Variants in KLRG1 observed in about 807,000 individuals in gnomAD.
The protein encoded by KLRG1 is killer cell lectin like receptor G1.
Under a neutral mutation model 21.8 loss-of-function variants are expected in KLRG1, and 16 were observed. The observed-to-expected ratio is 0.73, with a 90% confidence interval of 0.50 to 1.11. The LOEUF is 1.11. Among genes scored for constraint, KLRG1 ranks in the 50% most tolerant of loss-of-function variants. KLRG1 has a pLI of 0.00. For synonymous variants in KLRG1, 69 were observed against 75.9 expected (o/e 0.91, Z 0.47); for missense variants, 173 against 218.3 (o/e 0.79, Z 1.31).
At chr12:9,068,786 T>C in the KLRG1 span, 2 of 1,609,516 alleles carry the variant, frequency 1.2e-6, no homozygotes, top group East Asian at 4.5e-5. Context: ...GTTTCAGATC[T>C]CTTACTGGGA....
Position 9,009,661 on chromosome 12 carries a change from G to A in KLRG1, c.*124G>A. On this transcript the variant is annotated 3_prime_UTR_variant, in exon 5 of 5. Coordinates refer to ENST00000356986, the MANE Select transcript of KLRG1 (RefSeq NM_005810.4). Reference sequence around the variant, plus strand: ...CAAATACTGAACTTTCTCAGATATGGCATTAGATGCAAGACAACCTCCTAG... The same window carrying A: ...CAAATACTGAACTTTCTCAGATATGACATTAGATGCAAGACAACCTCCTAG... The A allele has an allele frequency of 6.9e-7, 1 of 1,448,660 alleles. No individual in the cohort carries two copies. The highest frequency in any genetic ancestry group is 9.1e-7 in the Non-Finnish European group (1 of 1,104,886). The allele number at this position is 1,448,660 out of a possible 1,614,324, so 89.7% of individuals were successfully genotyped here.
the KLRG1 span, chr12:9,072,530 G>C: frequency 6.2e-7 from 1 of 1,602,644 alleles, no homozygotes; most frequent in South Asian, 1.1e-5. Flanking sequence ...CCCTTTCCCA[G>C]AATTCCTGTC....
chr12:9,165,929 C>A, the KLRG1 span: 1 of 1,237,222 alleles, frequency 8.1e-7, no homozygotes, highest in Non-Finnish European at 1.1e-6. Context: ...TAGGTCTATC[C>A]TAAAGAGGAA....
chr12:9,154,814 A>T, the KLRG1 span: 1 of 1,614,138 alleles, frequency 6.2e-7, no homozygotes, highest in Non-Finnish European at 8.5e-7. Flanking sequence ...TGGGTCTCTG[A>T]GGGCGCTCCC....
At chr12:9,095,991 C>T in the KLRG1 span, among the ~76,000 whole-genome samples, 1 of 151,242 alleles carries the variant, frequency 6.6e-6, no homozygotes, top group East Asian at 1.9e-4. Context: ...GATCTCCTGA[C>T]CTCATGATCC....
chr12:9,090,264 C>A, the KLRG1 span: 1 of 1,581,972 alleles, frequency 6.3e-7, no homozygotes, highest in South Asian at 1.1e-5. Flanking sequence ...ATCTAGTGGT[C>A]TTTTCCTGAA....
the KLRG1 span, among the ~76,000 whole-genome samples, chr12:9,198,352 A>T: frequency 6.6e-6 from 1 of 152,112 alleles, no homozygotes; most frequent in Non-Finnish European, 1.5e-5. Flanking sequence ...TCTACTAAAA[A>T]AATGTTTCTT....
the KLRG1 span, chr12:9,066,424 C>T: frequency 6.6e-6 from 1 of 152,582 alleles, no homozygotes; most frequent in Non-Finnish European, 1.5e-5. Flanking sequence ...TCATGGAGAG[C>T]CTGTGCTGGC....
the KLRG1 span, among the ~76,000 whole-genome samples, chr12:9,129,933 A>C: frequency 6.6e-6 from 1 of 152,186 alleles, no homozygotes; most frequent in Non-Finnish European, 1.5e-5. Context: ...TATCTTGCAA[A>C]TCTGAAACTC....
At chr12:9,204,156 T>G in the KLRG1 span, among the ~76,000 whole-genome samples, 81 of 152,212 alleles carry the variant, frequency 5.3e-4, no homozygotes, top group Non-Finnish European at 8.7e-4. Context: ...CCACACAATC[T>G]GGAGCCATAC....
the KLRG1 span, chr12:9,110,054 T>C: frequency 1.3e-6 from 2 of 1,589,560 alleles, no homozygotes; most frequent in Middle Eastern, 1.7e-4. Flanking sequence ...GTAAATTAAT[T>C]ATAACTTACA....
chr12:9,065,151 T>TCCCCCCCCCCCCCCCC, the KLRG1 span: 84 of 52,662 alleles, frequency 1.6e-3, no homozygotes, highest in East Asian at 4.0e-3. Flanking sequence ...ATTCCCTTCC[T>TCCCCCCCCCCCCCCCC]CCCCCCCCCC....
At chr12:9,195,445 T>C in the KLRG1 span, among the ~76,000 whole-genome samples, 1 of 150,672 alleles carries the variant, frequency 6.6e-6, no homozygotes, top group East Asian at 2.0e-4. Context: ...TTCCTTCCCC[T>C]TTCCTTCTTT....
intron 3 of KLRG1, among the ~76,000 whole-genome samples, chr12:9,008,049 C>T (rs1194769424): frequency 1.3e-5 from 2 of 152,104 alleles, no homozygotes; most frequent in Admixed American, 6.5e-5. Context: ...TGTTGGGTAA[C>T]GTGGCACACA....
At chr12:9,089,649 G>A in the KLRG1 span, among the ~76,000 whole-genome samples, 4 of 152,088 alleles carry the variant, frequency 2.6e-5, no homozygotes, top group Admixed American at 6.6e-5. Flanking sequence ...GCTGAGGCAC[G>A]AGAATTGCTT....
At chr12:9,079,174 T>C in the KLRG1 span, 1 of 1,179,856 alleles carries the variant, frequency 8.5e-7, no homozygotes, top group Non-Finnish European at 1.3e-6. Flanking sequence ...TTGCTGTGAA[T>C]ATAATTGAGG....
At chr12:9,059,689 G>C in the KLRG1 span, among the ~76,000 whole-genome samples, 12 of 152,100 alleles carry the variant, frequency 7.9e-5, no homozygotes, top group Non-Finnish European at 1.6e-4. Context: ...TTTTATATAT[G>C]CATGTATGTA....
chr12:8,976,612 C>T (rs908976133), intron 1 of KLRG1, among the ~76,000 whole-genome samples: 12 of 152,128 alleles, frequency 7.9e-5, no homozygotes, highest in African/African-American at 2.7e-4. Flanking sequence ...TCAAATCTGT[C>T]AATATTTGTT....
chr12:9,120,852 C>CTGTGTGTGT, the KLRG1 span, among the ~76,000 whole-genome samples: 2 of 143,408 alleles, frequency 1.4e-5, no homozygotes, highest in Non-Finnish European at 3.0e-5. Flanking sequence ...ATCCCACTAA[C>CTGTGTGTGT]GTGTGTGTGT....
Sources: gnomAD v4.1 joint callset for allele counts (sites outside exome capture counted in the v4.1 genomes callset) on GRCh38, gnomAD v4.1.1 for gene constraint, MANE v1.5 for transcripts, NCBI Gene and HGNC (gene_info 2026-07-23, HGNC 2026-07-21) for gene names.